Variants in TBC1D5 observed in about 807,000 individuals in gnomAD.
TBC1D5 encodes the protein TBC1 domain family, member 5.
TBC1D5 carries 75 observed loss-of-function variants against 100.3 expected under a neutral mutation model. The observed-to-expected ratio is 0.75, with a 90% CI of 0.62 to 0.91. TBC1D5 has a LOEUF of 0.91. Among genes scored for constraint, TBC1D5 ranks in the 40% least tolerant of loss-of-function variants. TBC1D5 has a pLI of 0.00. For missense variants in TBC1D5, 910 were observed against 942.4 expected (o/e 0.97, Z 0.45); for synonymous variants, 323 against 325.6 (o/e 0.99, Z 0.09).
intron 1 of TBC1D5, chr3:17,647,093 C>A (rs947507039): frequency 2.6e-5 from 4 of 152,114 alleles, no homozygotes; most frequent in Non-Finnish European, 1.5e-5. Context: ...TCACTGCTCC[C>A]ACGTCAAATA....
At chr3:17,335,364 C>A (rs2087556731) in intron 13 of TBC1D5, among the ~76,000 whole-genome samples, 2 of 152,088 alleles carry the variant, frequency 1.3e-5, no homozygotes, top group Admixed American at 6.6e-5. Flanking sequence ...TGCATTGCTA[C>A]TTCCATAATG....
chr3:17,295,433 A>G lies in TBC1D5; in HGVS notation c.1139-3432T>C, dbSNP rs557715479. 5.3e-5 allele frequency among the ~76,000 whole-genome samples: 8 copies of G among 152,328 alleles called. No individual in the cohort carries two copies. In the East Asian group the frequency reaches 1.5e-3, roughly 29 times the overall value. The stretch of plus-strand genomic sequence containing the variant: ...CCTTGATGAATAGCATTACCTCCAT[A>G]TGAGGCAGAGCTGACTTCTCTGTCT... On this transcript the variant is annotated intron_variant, in intron 14 of 21. Coordinates refer to ENST00000253692, the Ensembl canonical transcript of TBC1D5.
At chr3:17,700,994 G>T (rs1040236713) in intron 1 of TBC1D5, among the ~76,000 whole-genome samples, 8 of 152,068 alleles carry the variant, frequency 5.3e-5, no homozygotes, top group African/African-American at 1.9e-4. Flanking sequence ...ATACCCAAAG[G>T]ATTATAAATC....
intron 2 of TBC1D5, among the ~76,000 whole-genome samples, chr3:17,608,356 G>A (rs1291744240): frequency 6.6e-6 from 1 of 152,082 alleles, no homozygotes; most frequent in African/African-American, 2.4e-5. Context: ...ATCAAAAAAA[G>A]AAACAAAATA....
chr3:17,546,795 A>G (rs577964724), intron 2 of TBC1D5, among the ~76,000 whole-genome samples: 24 of 152,002 alleles, frequency 1.6e-4, no homozygotes, highest in East Asian at 7.7e-4. Context: ...AAAAAAAAAA[A>G]AAAGAAAGAA....
intron 3 of TBC1D5, among the ~76,000 whole-genome samples, chr3:17,449,864 C>T (rs535321584): frequency 8.3e-4 from 127 of 152,314 alleles, no homozygotes; most frequent in African/African-American, 2.9e-3. Flanking sequence ...AATCTCCCAG[C>T]GAATGCTCAA....
chr3:17,629,861 T>C (rs913803241), intron 1 of TBC1D5, among the ~76,000 whole-genome samples: 1 of 152,204 alleles, frequency 6.6e-6, no homozygotes, highest in African/African-American at 2.4e-5. Context: ...CTACATCTCA[T>C]ACTGGACTTC....
intron 2 of TBC1D5, among the ~76,000 whole-genome samples, chr3:17,535,639 T>C (rs1200027972): frequency 6.6e-6 from 1 of 152,112 alleles, no homozygotes. Flanking sequence ...ACATTTTTTG[T>C]TCCAAAGATT....
At chr3:17,500,037 TTCTC>T (rs2095765510) in intron 3 of TBC1D5, among the ~76,000 whole-genome samples, 1 of 149,442 alleles carries the variant, frequency 6.7e-6, no homozygotes, top group South Asian at 2.1e-4. Flanking sequence ...AGGCTACTGT[TTCTC>T]TGTCTGCTCA....
intron 18 of TBC1D5, among the ~76,000 whole-genome samples, chr3:17,213,796 G>T (rs1311050844): frequency 2.1e-5 from 3 of 145,244 alleles, no homozygotes; most frequent in Non-Finnish European, 4.5e-5. Flanking sequence ...TTTAAATGTA[G>T]TTTGTATAGC....
exon 22 of TBC1D5, chr3:17,158,623 A>C (rs1250830435): frequency 1.3e-5 from 2 of 152,278 alleles, no homozygotes; most frequent in African/African-American, 2.4e-5. Flanking sequence ...GGGGCCACAG[A>C]AGCACAGGAT....
intron 21 of TBC1D5, among the ~76,000 whole-genome samples, chr3:17,163,006 A>C (rs988644359): frequency 2.0e-5 from 3 of 152,234 alleles, no homozygotes; most frequent in African/African-American, 7.2e-5. Context: ...AGCAGGGCCT[A>C]GTTTTTAGAG....
chr3:17,215,169 T>C (rs1392576398), intron 17 of TBC1D5, among the ~76,000 whole-genome samples: 4 of 152,184 alleles, frequency 2.6e-5, no homozygotes, highest in East Asian at 1.9e-4. Flanking sequence ...TTTAAAAGGA[T>C]TGCTCTGGCT....
intron 1 of TBC1D5, among the ~76,000 whole-genome samples, chr3:17,725,076 T>C (rs1248766679): frequency 6.6e-6 from 1 of 152,220 alleles, no homozygotes; most frequent in African/African-American, 2.4e-5. Flanking sequence ...CTGTCTGATA[T>C]TTCCAATATC....
intron 13 of TBC1D5, among the ~76,000 whole-genome samples, chr3:17,319,928 A>T (rs2085182648): frequency 6.6e-6 from 1 of 152,206 alleles, no homozygotes; most frequent in African/African-American, 2.4e-5. Context: ...TTTAACAATG[A>T]TTGCTAAAAT....
At chr3:17,682,014 A>T (rs1040156947) in intron 1 of TBC1D5, among the ~76,000 whole-genome samples, 2 of 151,550 alleles carry the variant, frequency 1.3e-5, no homozygotes, top group African/African-American at 4.9e-5. Context: ...TCTGAGGTGG[A>T]ACAGTTTCTT....
chr3:17,558,314 A>C (rs2153465668), intron 2 of TBC1D5, among the ~76,000 whole-genome samples: 1 of 152,332 alleles, frequency 6.6e-6, no homozygotes, highest in Admixed American at 6.5e-5. Flanking sequence ...CCAACTATAC[A>C]ATATAAAATT....
chr3:17,228,902 C>T lies in TBC1D5; in HGVS notation c.1588+9261G>A, dbSNP rs190162961. Among the ~76,000 whole-genome samples the T allele has an allele frequency of 5.4e-3, 821 of 152,164 alleles. 5 individuals carry two copies. Among genetic ancestry groups the T allele is most frequent in the African/African-American group, 0.019 (777 of 41,516 alleles). On this transcript the variant is annotated intron_variant, in intron 17 of 21. Transcript: ENST00000253692. ...CATAGGCATCAGTGGAGATTCCTGACTGCAAAATGGCTGAGAGAGAAGGAA... is the reference window on the plus strand; with the variant it reads ...CATAGGCATCAGTGGAGATTCCTGATTGCAAAATGGCTGAGAGAGAAGGAA...
chr3:17,604,614 G>A (rs1052965640), intron 2 of TBC1D5, among the ~76,000 whole-genome samples: 1 of 152,138 alleles, frequency 6.6e-6, no homozygotes, highest in Non-Finnish European at 1.5e-5. Context: ...ACGTAATTAA[G>A]ATTTGGTGCC....
Sources: allele counts gnomAD v4.1 joint callset (sites outside exome capture counted in the v4.1 genomes callset), GRCh38; gene constraint gnomAD v4.1.1; transcripts MANE v1.5; gene names NCBI Gene and HGNC (gene_info 2026-07-23, HGNC 2026-07-21).